The following CCDC171 variants were observed in gnomAD, a reference collection of about 807,000 sequenced individuals.
CCDC171 encodes coiled-coil domain containing 171, also known as coiled-coil domain-containing protein 171.
In CCDC171, 177 loss-of-function variants were observed where a neutral mutation model predicts 168.2. The observed-to-expected ratio is 1.05, with a 90% CI of 0.93 to 1.19. The LOEUF (loss-of-function observed/expected upper bound fraction) is 1.19, where lower values mean the gene tolerates loss of function less well. Among genes scored for constraint, CCDC171 ranks in the 50% most tolerant of loss-of-function variants. CCDC171 has a pLI of 0.00. For missense variants in CCDC171, 1,991 were observed against 1,539.0 expected (o/e 1.29, Z -4.91); for synonymous variants, 687 against 540.8 (o/e 1.27, Z -3.75).
At chr9:15,781,502 C>G (rs1203845822) in intron 20 of CCDC171, among the ~76,000 whole-genome samples, 2 of 152,170 alleles carry the variant, frequency 1.3e-5, no homozygotes, top group African/African-American at 4.8e-5. Context: ...ACTGCAGCCT[C>G]CACCTCCCAG....
At chr9:15,859,534 A>C (rs1191119491) in intron 23 of CCDC171, among the ~76,000 whole-genome samples, 1 of 151,950 alleles carries the variant, frequency 6.6e-6, no homozygotes, top group Non-Finnish European at 1.5e-5. Context: ...CTTTGTCAGA[A>C]GATTTTTGAT....
intron 3 of CCDC171, among the ~76,000 whole-genome samples, chr9:15,987,450 TG>T (rs1490983114): frequency 6.6e-6 from 1 of 151,908 alleles, no homozygotes; most frequent in Non-Finnish European, 1.5e-5. Context: ...GCAACAATAT[TG>T]TAACAAATGT....
At chr9:15,991,428 A>C (rs534718978) in intron 3 of CCDC171, among the ~76,000 whole-genome samples, 1,754 of 138,680 alleles carry the variant, frequency 0.013, 51 homozygotes, top group African/African-American at 0.057. Context: ...ACATTCAAAG[A>C]AGTGTGTAGA....
intron 5 of CCDC171, 132 bp downstream of exon 5, chr9:15,591,688 C>T (rs550110111): frequency 3.0e-5 from 18 of 598,224 alleles, no homozygotes; most frequent in East Asian, 2.8e-4. Context: ...CCCATTTTTT[C>T]TTTTTTAGGG....
intron 3 of CCDC171, among the ~76,000 whole-genome samples, chr9:15,991,792 T>A (rs1260869566): frequency 6.6e-6 from 1 of 152,140 alleles, no homozygotes; most frequent in African/African-American, 2.4e-5. Flanking sequence ...CAGAGAATAC[T>A]ATAAACACCT....
intron 3 of CCDC171, among the ~76,000 whole-genome samples, chr9:16,007,067 A>G (rs568742269): frequency 6.6e-6 from 1 of 152,182 alleles, no homozygotes; most frequent in Non-Finnish European, 1.5e-5. Context: ...AAGTGTTCCT[A>G]TTTCTCCACA....
At chr9:15,839,605 AATG>A (rs1237613385) in intron 21 of CCDC171, among the ~76,000 whole-genome samples, 1 of 152,192 alleles carries the variant, frequency 6.6e-6, no homozygotes, top group African/African-American at 2.4e-5. Context: ...CTTGAGTTAT[AATG>A]ATAATAATGA....
intron 17 of CCDC171, 151 bp downstream of exon 17, chr9:15,744,928 G>A (rs2055164665): frequency 1.3e-6 from 1 of 763,086 alleles, no homozygotes; most frequent in Non-Finnish European, 2.0e-6. Flanking sequence ...TGTGTGTATG[G>A]ATAAGTGAAT....
intron 3 of CCDC171, among the ~76,000 whole-genome samples, chr9:16,006,676 G>T (rs909516226): frequency 6.6e-6 from 1 of 151,322 alleles, no homozygotes; most frequent in Non-Finnish European, 1.5e-5. Context: ...GTGAGAACAT[G>T]CAGTGTTTGG....
chr9:15,982,816 T>C (rs1306392968), intron 3 of CCDC171, among the ~76,000 whole-genome samples: 5 of 152,156 alleles, frequency 3.3e-5, no homozygotes, highest in African/African-American at 2.4e-5. Flanking sequence ...CCTGCACTCT[T>C]CTGTGTCCAG....
At chr9:15,610,479 A>AAAAAAAAAAAC (rs2043593679) in intron 6 of CCDC171, among the ~76,000 whole-genome samples, 1 of 142,204 alleles carries the variant, frequency 7.0e-6, no homozygotes, top group South Asian at 2.3e-4. Flanking sequence ...AAAAAAAAAA[A>AAAAAAAAAAAC]AACTGGGCGT....
rs370881463 is a variant in CCDC171, at chr9:15,748,658, G to A, written c.2671+3027G>A. ...AACCCTACAGCCAGAAGAGAGTGGGGGGCCAATATTCAACATTCTTAAAGA... is the reference window on the plus strand; with the variant it reads ...AACCCTACAGCCAGAAGAGAGTGGGAGGCCAATATTCAACATTCTTAAAGA... On this transcript the variant is annotated intron_variant, in intron 18 of 25. Coordinates refer to ENST00000380701, the MANE Select transcript of CCDC171 (RefSeq NM_173550.4). Among the ~76,000 whole-genome samples, 3 of 152,220 alleles carry A rather than the reference G, an allele frequency of 2.0e-5. No individual in the cohort carries two copies. The East Asian group carries it at 5.8e-4, about 29-fold the overall frequency.
At chr9:15,982,346 G>T (rs991429669) in intron 3 of CCDC171, among the ~76,000 whole-genome samples, 3 of 152,092 alleles carry the variant, frequency 2.0e-5, no homozygotes, top group Non-Finnish European at 4.4e-5. Flanking sequence ...ATTTAACCTC[G>T]TGAACCTCAG....
intron 7 of CCDC171, among the ~76,000 whole-genome samples, chr9:15,648,399 G>A (rs2047220679): frequency 6.6e-6 from 1 of 152,150 alleles, no homozygotes; most frequent in Non-Finnish European, 1.5e-5. Context: ...TCTGGCCAGG[G>A]CAATCAGGCA....
At chr9:15,700,893 A>G (rs1158241730) in intron 11 of CCDC171, among the ~76,000 whole-genome samples, 2 of 149,978 alleles carry the variant, frequency 1.3e-5, no homozygotes, top group Non-Finnish European at 3.0e-5. Context: ...CATCTTCCCC[A>G]TTATTAGTTT....
At chr9:15,640,415 T>C (rs956219220) in intron 7 of CCDC171, among the ~76,000 whole-genome samples, 1 of 152,110 alleles carries the variant, frequency 6.6e-6, no homozygotes, top group African/African-American at 2.4e-5. Context: ...ACCTTCAAAT[T>C]AGAATGCCTT....
intron 16 of CCDC171, among the ~76,000 whole-genome samples, chr9:15,737,086 T>C (rs1402074809): frequency 6.6e-6 from 1 of 152,152 alleles, no homozygotes; most frequent in African/African-American, 2.4e-5. Flanking sequence ...ATTTTTTTTT[T>C]CTGAGAAACT....
At chr9:15,775,209 C>A (rs1216083364) in intron 18 of CCDC171, among the ~76,000 whole-genome samples, 1 of 152,148 alleles carries the variant, frequency 6.6e-6, no homozygotes, top group Admixed American at 6.5e-5. Flanking sequence ...CATTGAGAGT[C>A]GGCAGTTAGG....
chr9:15,925,973 G>A (rs1309147446), intron 25 of CCDC171, among the ~76,000 whole-genome samples: 1 of 151,652 alleles, frequency 6.6e-6, no homozygotes, highest in Non-Finnish European at 1.5e-5. Context: ...TTTGAGGTAT[G>A]GAGACAGAGG....
Sources: allele counts gnomAD v4.1 joint callset (sites outside exome capture counted in the v4.1 genomes callset), GRCh38; gene constraint gnomAD v4.1.1; transcripts MANE v1.5; gene names NCBI Gene and HGNC (gene_info 2026-07-23, HGNC 2026-07-21).